CLVS1: variants seen among roughly 807,000 people sequenced by gnomAD.
CLVS1 encodes the protein clavesin 1.
Under a neutral mutation model 33.1 loss-of-function variants are expected in CLVS1, and 10 were observed. That is an observed-to-expected ratio of 0.30 (90% confidence interval 0.19 to 0.51). The LOEUF (loss-of-function observed/expected upper bound fraction) is 0.51, where lower values mean the gene tolerates loss of function less well. Ranked by LOEUF, CLVS1 falls within the 20% of genes least tolerant of loss-of-function variation. The pLI, the probability that CLVS1 is intolerant of heterozygous loss-of-function variation, is 0.97. For missense variants in CLVS1, 343 were observed against 433.4 expected (o/e 0.79, Z 1.85); for synonymous variants, 163 against 166.1 (o/e 0.98, Z 0.14).
At chr8:61,121,146 T>C (rs1183556910) in intron 1 of CLVS1, among the ~76,000 whole-genome samples, 12 of 152,018 alleles carry the variant, frequency 7.9e-5, no homozygotes, top group African/African-American at 2.7e-4. Flanking sequence ...CCAGGTGCCG[T>C]CAGTCACCCC....
intron 1 of CLVS1, among the ~76,000 whole-genome samples, chr8:61,290,701 ATCT>A (rs1468654382): frequency 6.6e-6 from 1 of 152,224 alleles, no homozygotes; most frequent in Non-Finnish European, 1.5e-5. Context: ...GCTGACTTTG[ATCT>A]TCTCTACTCT....
At chr8:61,346,208 G>A (rs571658844) in intron 2 of CLVS1, among the ~76,000 whole-genome samples, 1 of 152,112 alleles carries the variant, frequency 6.6e-6, no homozygotes, top group South Asian at 2.1e-4. Flanking sequence ...GGGTGCCTGC[G>A]ACTCACTCTA....
At chr8:61,055,327 T>G (rs1393471976), upstream of CLVS1, among the ~76,000 whole-genome samples, 4 of 152,190 alleles carry the variant, frequency 2.6e-5, no homozygotes, top group Non-Finnish European at 5.9e-5. Context: ...CAGGTACACA[T>G]CAATCTTCTA....
At chr8:61,385,024 A>G (rs925147691) in intron 3 of CLVS1, among the ~76,000 whole-genome samples, 2 of 152,088 alleles carry the variant, frequency 1.3e-5, no homozygotes, top group Admixed American at 6.6e-5. Flanking sequence ...TAGAGAAAGG[A>G]AGATAACTCT....
intron 3 of CLVS1, among the ~76,000 whole-genome samples, chr8:61,419,978 C>G (rs1417912462): frequency 6.6e-6 from 1 of 152,202 alleles, no homozygotes; most frequent in African/African-American, 2.4e-5. Flanking sequence ...TGGTAAAGAG[C>G]AAGTAACCTA....
intron 3 of CLVS1, among the ~76,000 whole-genome samples, chr8:61,435,768 A>G (rs1419068074): frequency 6.6e-6 from 1 of 152,198 alleles, no homozygotes; most frequent in Non-Finnish European, 1.5e-5. Flanking sequence ...AGGAATATAA[A>G]ATAAAGGCAG....
At chr8:61,481,412 A>C (rs1393919213) in intron 5 of CLVS1, among the ~76,000 whole-genome samples, 3 of 152,178 alleles carry the variant, frequency 2.0e-5, no homozygotes, top group Non-Finnish European at 4.4e-5. Flanking sequence ...CACCTCACCC[A>C]GGAAGCGCAA....
intron 1 of CLVS1, among the ~76,000 whole-genome samples, chr8:61,069,854 G>A (rs1485066468): frequency 2.6e-5 from 4 of 151,948 alleles, no homozygotes; most frequent in Non-Finnish European, 4.4e-5. Flanking sequence ...GCAGTGGCGC[G>A]ATCTTGGCTT....
At chr8:61,050,155 T>A in the CLVS1 span, among the ~76,000 whole-genome samples, 1 of 151,830 alleles carries the variant, frequency 6.6e-6, no homozygotes, top group Non-Finnish European at 1.5e-5. Context: ...AAATTCCCAT[T>A]CATGTCTTTA....
At chr8:61,495,480 C>A (rs1365191907) in intron 5 of CLVS1, among the ~76,000 whole-genome samples, 2 of 152,078 alleles carry the variant, frequency 1.3e-5, no homozygotes. Flanking sequence ...GCTCCCAAAA[C>A]AGGGAAAGGG....
At chr8:61,130,139 G>A (rs979522109) in intron 1 of CLVS1, among the ~76,000 whole-genome samples, 2 of 152,018 alleles carry the variant, frequency 1.3e-5, no homozygotes, top group Non-Finnish European at 2.9e-5. Context: ...TTGGGAGGCT[G>A]AGGCAGGAGA....
intron 1 of CLVS1, among the ~76,000 whole-genome samples, chr8:61,298,051 A>C (rs891943151): frequency 6.6e-6 from 1 of 152,172 alleles, no homozygotes. Context: ...TTTGGATAAT[A>C]AGTTAAATCA....
chr8:61,146,595 A>G (rs1338796507), intron 2 of CLVS1, among the ~76,000 whole-genome samples: 1 of 152,256 alleles, frequency 6.6e-6, no homozygotes, highest in Non-Finnish European at 1.5e-5. Context: ...TGGTGAAATA[A>G]AATAATATTC....
intron 1 of CLVS1, among the ~76,000 whole-genome samples, chr8:61,059,810 C>CAAA (rs71559323): frequency 1.4e-5 from 2 of 142,204 alleles, no homozygotes; most frequent in Non-Finnish European, 3.1e-5. Flanking sequence ...AACTCCATCT[C>CAAA]AAAAAAAAAA....
the CLVS1 span, among the ~76,000 whole-genome samples, chr8:61,038,080 A>T: frequency 6.6e-6 from 1 of 152,152 alleles, no homozygotes; most frequent in South Asian, 2.1e-4. Flanking sequence ...CACTCTGTAG[A>T]TCAGTTCTGA....
rs1812699226 is a variant in CLVS1, at chr8:61,356,224, G to A, written c.456-20381G>A. Among the ~76,000 whole-genome samples, 3 of 152,098 alleles carry A rather than the reference G, an allele frequency of 2.0e-5. No homozygotes were observed. In the South Asian group the frequency reaches 6.2e-4, roughly 32 times the overall value. ...GCATAAATGTCTTCTTTTGAGAAGT[G>A]TCTGTTCATATCCTTCACCCAGTTT... On this transcript the variant is annotated intron_variant, in intron 2 of 5. Coordinates refer to ENST00000325897, the MANE Select transcript of CLVS1 (RefSeq NM_173519.3).
chr8:61,463,090 CT>C (rs1817423779), intron 5 of CLVS1, among the ~76,000 whole-genome samples: 1 of 152,206 alleles, frequency 6.6e-6, no homozygotes, highest in African/African-American at 2.4e-5. Context: ...TCACTTGCTG[CT>C]TTACTTTGCA....
chr8:61,220,990 A>G (rs1033883205), intron 2 of CLVS1, among the ~76,000 whole-genome samples: 48 of 152,100 alleles, frequency 3.2e-4, no homozygotes, highest in African/African-American at 1.1e-3. Flanking sequence ...CTGCTTGCCT[A>G]TTATTGGTGT....
intron 2 of CLVS1, among the ~76,000 whole-genome samples, chr8:61,333,310 G>A (rs1044921252): frequency 9.2e-5 from 14 of 152,100 alleles, no homozygotes; most frequent in Non-Finnish European, 1.5e-4. Flanking sequence ...ACTCCTTTAC[G>A]TATCAAAGCT....
Sources: allele counts gnomAD v4.1 joint callset (sites outside exome capture counted in the v4.1 genomes callset), GRCh38; gene constraint gnomAD v4.1.1; transcripts MANE v1.5; gene names NCBI Gene and HGNC (gene_info 2026-07-23, HGNC 2026-07-21).